Variants in GRID1 observed in about 807,000 individuals in gnomAD.
GRID1 encodes the protein glutamate ionotropic receptor delta type subunit 1, also known as glutamate receptor ionotropic, delta-1.
Under a neutral mutation model 98.0 loss-of-function variants are expected in GRID1, and 28 were observed. That is an observed-to-expected ratio of 0.29 (90% CI 0.21 to 0.39). The LOEUF (loss-of-function observed/expected upper bound fraction) is 0.39. Ranked by LOEUF, GRID1 falls within the 10% of genes least tolerant of loss-of-function variation. The pLI, the probability that GRID1 is intolerant of heterozygous loss-of-function variation, is 1.00. For synonymous variants in GRID1, 553 were observed against 538.5 expected, an observed-to-expected ratio of 1.03 and a Z score of -0.37; for missense variants, 1,111 against 1,340.5, an observed-to-expected ratio of 0.83 and a Z score of 2.67.
At chr10:86,168,559 C>T (rs1054975917) in intron 3 of GRID1, among the ~76,000 whole-genome samples, 1 of 152,194 alleles carries the variant, frequency 6.6e-6, no homozygotes, top group African/African-American at 2.4e-5. Flanking sequence ...TCCCCTCTGC[C>T]AGGTGTGGGA....
chr10:86,131,679 G>T (rs529073773), intron 4 of GRID1, among the ~76,000 whole-genome samples: 1 of 152,102 alleles, frequency 6.6e-6, no homozygotes, highest in Non-Finnish European at 1.5e-5. Context: ...AAAGTCCAGC[G>T]GCACTCAGGC....
At chr10:86,074,412 CAT>C (rs1843851154) in intron 4 of GRID1, among the ~76,000 whole-genome samples, 2 of 152,178 alleles carry the variant, frequency 1.3e-5, no homozygotes, top group South Asian at 2.1e-4. Flanking sequence ...TAAATGAGAA[CAT>C]GTGATATTTG....
intron 5 of GRID1, among the ~76,000 whole-genome samples, chr10:85,880,180 T>C (rs990855994): frequency 4.6e-5 from 7 of 152,202 alleles, no homozygotes; most frequent in African/African-American, 1.7e-4. Context: ...CACAGCCGAA[T>C]TCCACCACAG....
intron 13 of GRID1, among the ~76,000 whole-genome samples, chr10:85,621,174 A>C (rs1842855230): frequency 6.6e-6 from 1 of 152,216 alleles, no homozygotes; most frequent in Admixed American, 6.5e-5. Context: ...TTAATGCAGC[A>C]AAGTGCCTGC....
chr10:85,632,187 G>C (rs1842983334), intron 13 of GRID1, among the ~76,000 whole-genome samples: 1 of 152,132 alleles, frequency 6.6e-6, no homozygotes, highest in Non-Finnish European at 1.5e-5. Flanking sequence ...TGCTGAATGG[G>C]GCACATCCTG....
chr10:86,223,470 T>C (rs1263922606), intron 2 of GRID1, among the ~76,000 whole-genome samples: 1 of 152,206 alleles, frequency 6.6e-6, no homozygotes, highest in African/African-American at 2.4e-5. Flanking sequence ...CCCCAGCACA[T>C]GCACACATGG....
intron 4 of GRID1, among the ~76,000 whole-genome samples, chr10:85,956,501 G>T (rs1040022803): frequency 1.3e-5 from 2 of 152,204 alleles, no homozygotes; most frequent in Non-Finnish European, 2.9e-5. Context: ...TAGATGCTCA[G>T]GATTTCTCTT....
intron 5 of GRID1, among the ~76,000 whole-genome samples, chr10:85,874,230 T>C (rs1380489874): frequency 1.3e-5 from 2 of 152,198 alleles, no homozygotes; most frequent in East Asian, 1.9e-4. Context: ...TAAATTTATA[T>C]ATTTGGGTTG....
At chr10:86,058,251 A>G (rs1352308327) in intron 4 of GRID1, among the ~76,000 whole-genome samples, 2 of 152,144 alleles carry the variant, frequency 1.3e-5, no homozygotes, top group Non-Finnish European at 2.9e-5. Flanking sequence ...AGAACAGGTC[A>G]GGTAGAAGCA....
intron 2 of GRID1, among the ~76,000 whole-genome samples, chr10:86,282,028 A>T (rs1847364453): frequency 6.6e-6 from 1 of 152,242 alleles, no homozygotes; most frequent in South Asian, 2.1e-4. Context: ...GCATCCAGTC[A>T]TCTGGGTTTG....
intron 3 of GRID1, among the ~76,000 whole-genome samples, chr10:86,144,103 C>T (rs1385633619): frequency 6.6e-6 from 1 of 152,164 alleles, no homozygotes; most frequent in East Asian, 1.9e-4. Flanking sequence ...CCCTGGGGTT[C>T]TTTATCGCAG....
intron 2 of GRID1, among the ~76,000 whole-genome samples, chr10:86,331,120 A>G (rs767961380): frequency 6.6e-6 from 1 of 152,190 alleles, no homozygotes; most frequent in Non-Finnish European, 1.5e-5. Context: ...CCCATCGCTG[A>G]TCATCGTCAC....
intron 5 of GRID1, among the ~76,000 whole-genome samples, chr10:85,896,990 A>T (rs1841302415): frequency 1.3e-5 from 2 of 152,196 alleles, no homozygotes. Context: ...TATTATTTCA[A>T]ATGCTATTTA....
intron 5 of GRID1, among the ~76,000 whole-genome samples, chr10:85,910,246 A>T (rs78888005): frequency 0.035 from 5,388 of 152,318 alleles, 153 homozygotes; most frequent in Non-Finnish European, 0.056. Flanking sequence ...GGAAGAAAAA[A>T]ATCTTTTCCT....
chr10:86,148,330 G>A (rs1317050205), intron 3 of GRID1, among the ~76,000 whole-genome samples: 2 of 152,206 alleles, frequency 1.3e-5, no homozygotes, highest in African/African-American at 4.8e-5. Context: ...ATGTGCATGA[G>A]CCTGGAGCAG....
rs113274726 is a variant in GRID1 at position 85,822,374 on chromosome 10, T to G, written c.1233+32122A>C. Among the ~76,000 whole-genome samples the G allele has an allele frequency of 4.6e-5, 7 of 151,950 alleles. No homozygotes were observed. The East Asian group carries it at 5.8e-4, about 13-fold the overall frequency. On this transcript the variant is annotated intron_variant, in intron 8 of 15. Transcript: ENST00000327946. ...CAAACAACCCCATCAAAAAGTGGGC[T>G]AAGGATATGAACAGACACTTCTCAA...
intron 4 of GRID1, among the ~76,000 whole-genome samples, chr10:86,099,738 G>A (rs1844268763): frequency 6.6e-6 from 1 of 152,156 alleles, no homozygotes; most frequent in Non-Finnish European, 1.5e-5. Flanking sequence ...CCTTAGACCA[G>A]AGGCCCAGCC....
At chr10:86,186,531 G>A (rs1414938556) in intron 3 of GRID1, among the ~76,000 whole-genome samples, 1 of 151,960 alleles carries the variant, frequency 6.6e-6, no homozygotes. Context: ...GCTTCTCTAA[G>A]GGACAATGGG....
intron 5 of GRID1, among the ~76,000 whole-genome samples, chr10:85,887,587 T>C (rs142003133): frequency 1.3e-5 from 2 of 152,290 alleles, no homozygotes; most frequent in Admixed American, 6.5e-5. Context: ...TATGGGCACA[T>C]TAATGTTTGA....
Sources: allele counts gnomAD v4.1 joint callset (sites outside exome capture counted in the v4.1 genomes callset), GRCh38; gene constraint gnomAD v4.1.1; transcripts MANE v1.5; gene names NCBI Gene and HGNC (gene_info 2026-07-23, HGNC 2026-07-21).